SRPK2: variants seen among roughly 807,000 people sequenced by gnomAD.
SRPK2 encodes SFRS protein kinase 2.
A neutral mutation model predicts 90.8 loss-of-function variants in SRPK2; 21 were observed. The ratio of observed to expected loss-of-function variants is 0.23; its 90% confidence interval spans 0.16 to 0.33. The LOEUF (loss-of-function observed/expected upper bound fraction) is 0.33, where lower values mean the gene tolerates loss of function less well. SRPK2 is among the 10% of genes least tolerant of loss of function. The pLI is 1.00. For synonymous variants in SRPK2, 288 were observed against 311.1 expected (o/e 0.93, Z 0.78); for missense variants, 620 against 869.0 (o/e 0.71, Z 3.60).
intron 7 of SRPK2, among the ~76,000 whole-genome samples, chr7:105,154,361 G>A (rs1337455656): frequency 1.3e-5 from 2 of 152,190 alleles, no homozygotes; most frequent in Non-Finnish European, 2.9e-5. Flanking sequence ...CTACCATGCT[G>A]AACAAACCCA....
At chr7:105,212,867 G>A (rs1467059515) in intron 2 of SRPK2, among the ~76,000 whole-genome samples, 3 of 152,152 alleles carry the variant, frequency 2.0e-5, no homozygotes, top group African/African-American at 7.2e-5. Flanking sequence ...AACATGGGGT[G>A]ATGGCTACAT....
chr7:105,266,397 T>A (rs1345735955), intron 2 of SRPK2, among the ~76,000 whole-genome samples: 1 of 152,146 alleles, frequency 6.6e-6, no homozygotes, highest in Non-Finnish European at 1.5e-5. Context: ...TTATATTTTG[T>A]ATTTAGAGGT....
At chr7:105,346,857 TAA>T (rs34287828) in intron 2 of SRPK2, among the ~76,000 whole-genome samples, 10 of 137,224 alleles carry the variant, frequency 7.3e-5, no homozygotes, top group Non-Finnish European at 9.3e-5. Flanking sequence ...TCTCATTTGT[TAA>T]AAAAAAAAAA....
chr7:105,174,178 C>T (rs924770812), intron 3 of SRPK2, among the ~76,000 whole-genome samples: 2 of 151,996 alleles, frequency 1.3e-5, no homozygotes, highest in Non-Finnish European at 2.9e-5. Context: ...GTTTCTTCTA[C>T]TTCCATGCCT....
At chr7:105,288,233 T>C (rs1808430276) in intron 2 of SRPK2, among the ~76,000 whole-genome samples, 1 of 152,222 alleles carries the variant, frequency 6.6e-6, no homozygotes, top group African/African-American at 2.4e-5. Context: ...CCACCCATAG[T>C]AGGATCTTAC....
At chr7:105,178,674 T>G (rs1423079062) in intron 3 of SRPK2, among the ~76,000 whole-genome samples, 1 of 151,860 alleles carries the variant, frequency 6.6e-6, no homozygotes, top group Non-Finnish European at 1.5e-5. Flanking sequence ...TTAAAAAATT[T>G]TGCTGGGCAT....
chr7:105,144,844 A>C (rs1967301), intron 9 of SRPK2, among the ~76,000 whole-genome samples: 125,350 of 152,118 alleles, frequency 0.82, 52,329 homozygotes, highest in Non-Finnish European at 0.88. Context: ...TGGTGGTTCA[A>C]ACCTGTAATC....
intron 2 of SRPK2, among the ~76,000 whole-genome samples, chr7:105,211,264 T>C (rs1796821606): frequency 6.6e-6 from 1 of 152,046 alleles, no homozygotes; most frequent in South Asian, 2.1e-4. Flanking sequence ...TTTTAAATAA[T>C]TGAAATGGCC....
intron 2 of SRPK2, chr7:105,298,793 C>T (rs1204849373): frequency 1.3e-5 from 13 of 985,418 alleles, no homozygotes; most frequent in African/African-American, 5.2e-5. Context: ...GCCCACCTCC[C>T]GCTGTAAGGA....
chr7:105,322,361 G>A (rs2131560732), intron 2 of SRPK2, among the ~76,000 whole-genome samples: 1 of 152,072 alleles, frequency 6.6e-6, no homozygotes, highest in Non-Finnish European at 1.5e-5. Flanking sequence ...AGGCTGCAGT[G>A]CACCGAGATC....
chr7:105,316,067 C>T (rs923535742), intron 2 of SRPK2, among the ~76,000 whole-genome samples: 2 of 149,730 alleles, frequency 1.3e-5, no homozygotes, highest in African/African-American at 4.9e-5. Context: ...TCTTGTCACC[C>T]AGCCTGGAGT....
intron 2 of SRPK2, among the ~76,000 whole-genome samples, chr7:105,211,546 C>G (rs764519851): frequency 3.3e-5 from 5 of 151,974 alleles, no homozygotes; most frequent in African/African-American, 9.7e-5. Context: ...AGTGTGGGAG[C>G]AGTAACAGGA....
intron 3 of SRPK2, among the ~76,000 whole-genome samples, chr7:105,170,995 G>A (rs1048645041): frequency 4.2e-5 from 5 of 117,758 alleles, no homozygotes; most frequent in African/African-American, 6.2e-5. Context: ...AAGAAAGAAA[G>A]AGAAAGAAAG....
Position 105,342,326 on chromosome 7 carries a change from AATTAATAATAATAATAAT to A in SRPK2, c.71+46304_71+46321del, listed in dbSNP as rs202163543. Among the ~76,000 whole-genome samples, 774 of 150,382 alleles carry A rather than the reference AATTAATAATAATAATAAT, an allele frequency of 5.1e-3. 11 individuals carry two copies. In the East Asian group the frequency reaches 0.055, roughly 11 times the overall value. ...GCGACAAGAGCAAAACTCCGTCTCA[AATTAATAATAATAATAAT>A]ATTAATAATAATAATTAAATAAAAT... On this transcript the variant is annotated intron_variant, in intron 2 of 15. Coordinates refer to ENST00000393651, the MANE Select transcript of SRPK2 (RefSeq NM_182692.3).
intron 3 of SRPK2, among the ~76,000 whole-genome samples, chr7:105,183,128 T>C (rs1299609638): frequency 1.3e-5 from 2 of 152,212 alleles, no homozygotes; most frequent in Non-Finnish European, 1.5e-5. Flanking sequence ...CAAAGAAAAT[T>C]ATTTAAATAC....
In SRPK2 at chr7:105,312,368, A is replaced by T. The variant is rs1042487644; in HGVS notation, c.71+76280T>A. 2.8e-5 allele frequency among the ~76,000 whole-genome samples: 4 copies of T among 141,288 alleles called. No individual in the cohort carries two copies. In the East Asian group the frequency reaches 9.5e-4, roughly 34 times the overall value. The allele number at this position is 141,288 out of a possible 152,430, so 92.7% of individuals were successfully genotyped here. A position where few individuals can be genotyped will look rare whatever the true frequency, so the allele number is the denominator to read the frequency against. On this transcript the variant is annotated intron_variant, in intron 2 of 15. Coordinates refer to ENST00000393651, the MANE Select transcript of SRPK2 (RefSeq NM_182692.3). The stretch of plus-strand genomic sequence containing the variant: ...GACTGGAGAATCGTTTGAACCCAGG[A>T]GGCGGAGCTTGCGGTGAGCCGAGAT...
intron 6 of SRPK2, among the ~76,000 whole-genome samples, chr7:105,165,036 C>A (rs1789859150): frequency 6.6e-6 from 1 of 152,186 alleles, no homozygotes; most frequent in Non-Finnish European, 1.5e-5. Flanking sequence ...GAGGATCCAA[C>A]ACCCACATAA....
intron 2 of SRPK2, among the ~76,000 whole-genome samples, chr7:105,380,925 G>T (rs942783780): frequency 5.3e-5 from 7 of 132,740 alleles, no homozygotes; most frequent in African/African-American, 2.0e-4. Context: ...TTTTTACCAT[G>T]ACCATATTAC....
chr7:105,161,086 C>T (rs373721037), intron 6 of SRPK2, among the ~76,000 whole-genome samples: 43 of 152,108 alleles, frequency 2.8e-4, no homozygotes, highest in Admixed American at 8.5e-4. Context: ...CCACCACGCT[C>T]GGCTAATTTT....
Sources: gnomAD v4.1 joint callset for allele counts (sites outside exome capture counted in the v4.1 genomes callset) on GRCh38, gnomAD v4.1.1 for gene constraint, MANE v1.5 for transcripts, NCBI Gene and HGNC (gene_info 2026-07-23, HGNC 2026-07-21) for gene names.